The following NFATC1 variants were observed in gnomAD, a reference collection of about 807,000 sequenced individuals.
NFATC1 encodes nuclear factor of activated T cells 1, also known as nuclear factor of activated T-cells, cytoplasmic 1.
In NFATC1, 22 loss-of-function variants were observed where a neutral mutation model predicts 76.0. The observed-to-expected ratio is 0.29, with a 90% CI of 0.21 to 0.41. The LOEUF (loss-of-function observed/expected upper bound fraction) is 0.41. NFATC1 is among the 10% of genes least tolerant of loss of function. The pLI is 1.00. For synonymous variants in NFATC1, 704 were observed against 613.1 expected (o/e 1.15, Z -2.19); for missense variants, 1,357 against 1,337.7 (o/e 1.01, Z -0.23).
intron 9 of NFATC1, among the ~76,000 whole-genome samples, chr18:79,519,553 G>A (rs1253534679): frequency 6.6e-6 from 1 of 152,098 alleles, no homozygotes; most frequent in Non-Finnish European, 1.5e-5. Context: ...TGCCCAGGCT[G>A]GTCTTGAACT....
At chr18:79,397,115 C>G (rs2085033337) in intron 1 of NFATC1, among the ~76,000 whole-genome samples, 1 of 152,172 alleles carries the variant, frequency 6.6e-6, no homozygotes. Context: ...GCGCATCTCA[C>G]ATTCCAGTCC....
At chr18:79,458,857 A>G (rs1248056000) in intron 6 of NFATC1, among the ~76,000 whole-genome samples, 1 of 152,218 alleles carries the variant, frequency 6.6e-6, no homozygotes, top group Non-Finnish European at 1.5e-5. Flanking sequence ...ATCTTTCAGC[A>G]GTCTCGGCGC....
intron 3 of NFATC1, among the ~76,000 whole-genome samples, chr18:79,448,018 A>T (rs2087287975): frequency 6.6e-6 from 1 of 152,112 alleles, no homozygotes; most frequent in South Asian, 2.1e-4. Context: ...CCCGGCCACT[A>T]GTGTCCTGGC....
intron 2 of NFATC1, among the ~76,000 whole-genome samples, chr18:79,430,089 C>T (rs998408967): frequency 2.6e-5 from 4 of 152,208 alleles, no homozygotes; most frequent in African/African-American, 9.6e-5. Flanking sequence ...TCGGTTCACA[C>T]GAGTTCCCAC....
chr18:79,513,016 G>A (rs544278418), intron 9 of NFATC1, among the ~76,000 whole-genome samples: 2 of 152,348 alleles, frequency 1.3e-5, no homozygotes, highest in South Asian at 2.1e-4. Flanking sequence ...AGAGAATTTC[G>A]CTAGAGACGC....
intron 8 of NFATC1, chr18:79,470,049 T>C: frequency 1.0e-6 from 1 of 977,040 alleles, no homozygotes; most frequent in Non-Finnish European, 1.2e-6. Context: ...GCGTGCCCGC[T>C]GCACTTCCTG....
rs1216561079 is a variant in NFATC1, at chr18:79,499,344, TGA to T, written c.2782+12409_2782+12410del. Among the ~76,000 whole-genome samples, 8 of 107,530 alleles carry T rather than the reference TGA, an allele frequency of 7.4e-5. No homozygotes were observed. In the Admixed American group the frequency reaches 7.5e-4, roughly 10 times the overall value. 70.5% of individuals were successfully genotyped at this position (107,530 alleles called of 152,430 possible). On this transcript the variant is annotated intron_variant, in intron 9 of 9. Transcript: ENST00000427363. ...ACCACTAAGAAAATATATATGTGTG[TGA>T]GTGTGTCACACACACACATAAAATG... is the stretch of plus-strand genomic sequence containing the variant.
intron 1 of NFATC1, among the ~76,000 whole-genome samples, chr18:79,397,113 C>T (rs1181609020): frequency 6.6e-6 from 1 of 152,126 alleles, no homozygotes; most frequent in Non-Finnish European, 1.5e-5. Context: ...CGGCGCATCT[C>T]ACATTCCAGT....
At chr18:79,401,811 C>T (rs993256911) in intron 1 of NFATC1, among the ~76,000 whole-genome samples, 6 of 152,322 alleles carry the variant, frequency 3.9e-5, no homozygotes, top group East Asian at 1.9e-4. Flanking sequence ...CACCCCCGGT[C>T]GTTCACAGCG....
At position 79,447,972 on chromosome 18, in the gene NFATC1, C is replaced by A. The variant is rs962178395; in HGVS notation, c.1387-810C>A. On this transcript the variant is annotated intron_variant, in intron 3 of 9. Coordinates refer to ENST00000427363, the MANE Select transcript of NFATC1 (RefSeq NM_001278669.2). The stretch of plus-strand genomic sequence containing the variant: ...GGTCCTGAACATGTGTGTGCCCTGC[C>A]GTGAGGCGCACACCTTCCCAGAGGC... Among the ~76,000 whole-genome samples, 15 of 152,212 alleles carry A rather than the reference C, an allele frequency of 9.9e-5. 1 individual carries two copies. The highest frequency in any genetic ancestry group is 3.6e-4 in the African/African-American group (15 of 41,460).
chr18:79,400,185 C>T (rs988149858), intron 1 of NFATC1: 7 of 1,147,386 alleles, frequency 6.1e-6, no homozygotes, highest in Middle Eastern at 3.6e-4. Flanking sequence ...AACTCGTGTC[C>T]GGGGAGTTTA....
At chr18:79,409,353 C>CATCA (rs2085572014) in intron 1 of NFATC1, among the ~76,000 whole-genome samples, 1 of 124,030 alleles carries the variant, frequency 8.1e-6, no homozygotes, top group African/African-American at 2.7e-5. Flanking sequence ...TCCATCCATC[C>CATCA]ATCATCATTC....
chr18:79,442,897 C>G (rs1319624569), intron 3 of NFATC1, among the ~76,000 whole-genome samples: 1 of 152,202 alleles, frequency 6.6e-6, no homozygotes, highest in Non-Finnish European at 1.5e-5. Flanking sequence ...CGGACAGCAG[C>G]AGCTGTGTTT....
intron 2 of NFATC1, among the ~76,000 whole-genome samples, chr18:79,419,026 C>T (rs545925848): frequency 1.3e-5 from 2 of 152,238 alleles, no homozygotes; most frequent in South Asian, 4.1e-4. Flanking sequence ...TGGCTTTTTG[C>T]TCAGATATTT....
chr18:79,513,070 G>A (rs1024044294), intron 9 of NFATC1, among the ~76,000 whole-genome samples: 1 of 152,206 alleles, frequency 6.6e-6, no homozygotes, highest in Non-Finnish European at 1.5e-5. Flanking sequence ...CTTTAAAAAC[G>A]GTATCACTTT....
Position 79,510,897 on chromosome 18 carries a change from C to T in NFATC1, c.2783-16631C>T, listed in dbSNP as rs146360829. 4.3e-3 allele frequency among the ~76,000 whole-genome samples: 657 copies of T among 152,056 alleles called. 4 individuals are homozygous for T. The highest frequency in any genetic ancestry group is 0.015 in the African/African-American group (625 of 41,498). Reference sequence around the variant, plus strand: ...CATCTTCCGCCGGGGCATCCTCCGCCGGGACATCCTCCACCGGGGGCTCCT... The same window carrying T: ...CATCTTCCGCCGGGGCATCCTCCGCTGGGACATCCTCCACCGGGGGCTCCT... On this transcript the variant is annotated intron_variant, in intron 9 of 9. Coordinates refer to ENST00000427363, the MANE Select transcript of NFATC1 (RefSeq NM_001278669.2).
chr18:79,456,185 C>G (rs1001913116), intron 6 of NFATC1, among the ~76,000 whole-genome samples: 2 of 152,194 alleles, frequency 1.3e-5, no homozygotes, highest in African/African-American at 4.8e-5. Context: ...CACGGAACCA[C>G]CGTGGCTTTG....
At chr18:79,433,121 G>A (rs2086656516) in intron 2 of NFATC1, among the ~76,000 whole-genome samples, 1 of 152,236 alleles carries the variant, frequency 6.6e-6, no homozygotes, top group African/African-American at 2.4e-5. Flanking sequence ...TGGCGGCGCT[G>A]CGCACATCAC....
intron 9 of NFATC1, among the ~76,000 whole-genome samples, chr18:79,489,705 A>C (rs368795): frequency 2.0e-5 from 3 of 151,956 alleles, no homozygotes; most frequent in Non-Finnish European, 2.9e-5. Context: ...CCAGCCCACC[A>C]ACCACAGTCA....
Sources: allele counts gnomAD v4.1 joint callset (sites outside exome capture counted in the v4.1 genomes callset), GRCh38; gene constraint gnomAD v4.1.1; transcripts MANE v1.5; gene names NCBI Gene and HGNC (gene_info 2026-07-23, HGNC 2026-07-21).